PIP5K1C: variants seen among roughly 807,000 people sequenced by gnomAD.
PIP5K1C encodes phosphatidylinositol-4-phosphate 5-kinase type 1 gamma, also known as phosphatidylinositol 4-phosphate 5-kinase type-1 gamma.
In PIP5K1C, 45 loss-of-function variants were observed where a neutral mutation model predicts 80.1. The ratio of observed to expected loss-of-function variants is 0.56; its 90% CI spans 0.44 to 0.72. The LOEUF (loss-of-function observed/expected upper bound fraction) is 0.72. Among genes scored for constraint, PIP5K1C ranks in the 30% least tolerant of loss-of-function variants. The pLI, the probability that PIP5K1C is intolerant of heterozygous loss-of-function variation, is 0.00. For missense variants in PIP5K1C, 753 were observed against 954.6 expected (o/e 0.79, Z 2.78); for synonymous variants, 498 against 420.1 (o/e 1.19, Z -2.27).
intron 1 of PIP5K1C, among the ~76,000 whole-genome samples, chr19:3,678,401 T>TGG (rs2035465503): frequency 2.8e-5 from 2 of 71,652 alleles, no homozygotes; most frequent in Non-Finnish European, 5.4e-5. Context: ...GATGGAGGGA[T>TGG]AGAGATGGAG....
rs1006560450 is a variant in PIP5K1C at position 3,630,939 on chromosome 19, C to A, written c.*2228G>T. ...TAAATAGGTCTTGCCGTCCTCCTGC[C>A]CCCGCCCCTCGGCACAGTCAGTGGA... On this transcript the variant is annotated 3_prime_UTR_variant, in exon 18 of 18. Coordinates refer to ENST00000335312, the MANE Select transcript of PIP5K1C (RefSeq NM_012398.3). 6.6e-6 allele frequency: 1 copy of A among 152,242 alleles called. No individual in the cohort carries two copies. Among genetic ancestry groups the A allele is most frequent in the Non-Finnish European group, 1.5e-5 (1 of 68,082 alleles). The allele number at this position is 152,242 out of a possible 1,614,324, so 9.4% of individuals were successfully genotyped here.
intron 7 of PIP5K1C, 80 bp downstream of exon 7, chr19:3,653,210 G>A (rs2034511187): frequency 7.2e-7 from 1 of 1,386,618 alleles, no homozygotes; most frequent in Non-Finnish European, 1.0e-6. Flanking sequence ...CACCCTCCCT[G>A]GCCCTGCCTG....
chr19:3,650,879 C>T (rs2034416265), intron 8 of PIP5K1C, among the ~76,000 whole-genome samples: 1 of 152,146 alleles, frequency 6.6e-6, no homozygotes, highest in Non-Finnish European at 1.5e-5. Flanking sequence ...GCCTCAGCCT[C>T]CCAAGTAGCT....
rs753752409 is a variant in PIP5K1C, at chr19:3,642,939, C to A, written c.1650G>T (p.Arg550Ser). 3 of 1,613,468 alleles carry A rather than the reference C, an allele frequency of 1.9e-6. No homozygotes were observed. The highest frequency in any genetic ancestry group is 2.5e-6 in the Non-Finnish European group (3 of 1,179,870). ...CCTGTCCAGACGACTGTGTGCGCCG[C>A]CTGCAGAGATACAGCAAACACGTGA... is the stretch of plus-strand genomic sequence containing the variant. ...PSETSEQPRY[R>S]RRTQSSGQDG... is the part of the protein sequence containing the mutation. Residue 550 changes from arginine to serine, a missense_variant and splice_region_variant, in exon 14 of 18, where the codon AGG (arginine) becomes AGT (serine). Physicochemically the swap from Arg to Ser is moderately radical, Grantham distance 110. Around this residue, in one of 6 missense-constraint regions of PIP5K1C, gnomAD observed 315 missense variants for 294.5 expected, o/e 1.07. Coordinates refer to ENST00000335312, the MANE Select transcript of PIP5K1C (RefSeq NM_012398.3).
rs906756820 is a variant in PIP5K1C, at chr19:3,696,694, AGCAGAGTGCAGACGGGAGGGCAGGGAGG to A, written c.94+3575_94+3602del. The stretch of plus-strand genomic sequence containing the variant: ...AACAGCAAGGGGCCCATGGGCCTAC[AGCAGAGTGCAGACGGGAGGGCAGGGAGG>A]GCAGAGTGCGGAGGGGAGGGCAGGG... On this transcript the variant is annotated intron_variant, in intron 1 of 17. Transcript: ENST00000335312. The surrounding 1 kb of genome is among the most constrained non-coding windows in gnomAD (Gnocchi z 4.1). 5.3e-3 allele frequency among the ~76,000 whole-genome samples: 691 copies of A among 129,682 alleles called. 6 individuals are homozygous for A. Among genetic ancestry groups the A allele is most frequent in the African/African-American group, 0.018 (628 of 34,328 alleles). 85.1% of individuals were successfully genotyped at this position (129,682 alleles called of 152,430 possible).
Position 3,700,345 on chromosome 19 carries a change from C to A in PIP5K1C, c.46G>T (p.Ala16Ser). 1 of 1,295,468 alleles carries A rather than the reference C, an allele frequency of 7.7e-7. No homozygotes were observed. The highest frequency in any genetic ancestry group is 9.9e-7 in the Non-Finnish European group (1 of 1,005,132). 80.2% of individuals were successfully genotyped at this position (1,295,468 alleles called of 1,614,324 possible). Reference protein sequence around the residue: ...PDEAESAEAGAVPSEAAWAAE... With the variant: ...PDEAESAEAGSVPSEAAWAAE... ...GCCCACGCCGCCTCCGAGGGCACGGCCCCCGCCTCAGCGCTCTCCGCCTCG... is the reference window on the plus strand; with the variant it reads ...GCCCACGCCGCCTCCGAGGGCACGGACCCCGCCTCAGCGCTCTCCGCCTCG... The change falls in exon 1 of 18, where the codon GCC becomes TCC. Residue 16 changes from alanine to serine, a missense_variant. By Grantham distance (99) the Ala-to-Ser change is moderately conservative. This residue lies in a region of PIP5K1C where 78 missense variants were observed against 67.1 expected (regional missense o/e 1.16). Transcript: ENST00000335312.
At chr19:3,690,354 T>C (rs925666499) in intron 1 of PIP5K1C, among the ~76,000 whole-genome samples, 8 of 151,834 alleles carry the variant, frequency 5.3e-5, no homozygotes, top group Non-Finnish European at 8.8e-5. Flanking sequence ...AAATTAGCTA[T>C]GCATGGTGGC....
chr19:3,683,102 CAG>C (rs983509781), intron 1 of PIP5K1C, among the ~76,000 whole-genome samples: 22 of 152,138 alleles, frequency 1.4e-4, no homozygotes, highest in Middle Eastern at 3.2e-3. Flanking sequence ...GTCACCTCCT[CAG>C]AGAGTCCCCT....
At chr19:3,633,941 A>G (rs1316726961) in intron 16 of PIP5K1C, among the ~76,000 whole-genome samples, 2 of 151,884 alleles carry the variant, frequency 1.3e-5, no homozygotes, top group African/African-American at 2.4e-5. Flanking sequence ...GAAGCTCTCT[A>G]TGGGGGTCCT....
intron 5 of PIP5K1C, among the ~76,000 whole-genome samples, chr19:3,659,761 A>T (rs2034767599): frequency 6.6e-6 from 1 of 152,142 alleles, no homozygotes; most frequent in African/African-American, 2.4e-5. Context: ...GCTGGAGCAC[A>T]TGCTAGTTCT....
rs2033509339 is a variant in PIP5K1C at position 3,632,920 on chromosome 19, C to G, written c.*247G>C. The G allele has an allele frequency of 5.7e-6, 3 of 529,644 alleles. No homozygotes were observed. The highest frequency in any genetic ancestry group is 1.0e-5 in the Non-Finnish European group (3 of 300,160). 32.8% of individuals were successfully genotyped at this position (529,644 alleles called of 1,614,324 possible). A position where few individuals can be genotyped will look rare whatever the true frequency, so the allele number is the denominator to read the frequency against. On this transcript the variant is annotated 3_prime_UTR_variant, in exon 18 of 18. Transcript: ENST00000335312. ...TCCGTCTCTGTGCCAAATAAGGACTCAAATGCGATTGGCCGCTCGGGAGGG... is the reference window on the plus strand; with the variant it reads ...TCCGTCTCTGTGCCAAATAAGGACTGAAATGCGATTGGCCGCTCGGGAGGG...
rs1172528048 is a variant in PIP5K1C at position 3,643,245 on chromosome 19, G to A, written c.1647C>T (p.Tyr549=). Residue 549 remains tyrosine (Y), a splice_region_variant and synonymous_variant, in exon 13 of 18, where the codon TAC becomes TAT. Coordinates refer to ENST00000335312, the MANE Select transcript of PIP5K1C (RefSeq NM_012398.3). The stretch of plus-strand genomic sequence containing the variant: ...TGCACTGCGGATGCCTCGCCCACCT[G>A]TACCGCGGCTGCTCCGACGTCTCCG... ...SPSETSEQPR[Y]RRRTQSSGQD... The A allele has an allele frequency of 1.2e-6, 2 of 1,613,374 alleles. No individual in the cohort carries two copies. Among genetic ancestry groups the A allele is most frequent in the South Asian group, 2.2e-5 (2 of 91,088 alleles).
intron 5 of PIP5K1C, among the ~76,000 whole-genome samples, chr19:3,657,067 C>A (rs2034657802): frequency 6.6e-6 from 1 of 152,202 alleles, no homozygotes; most frequent in African/African-American, 2.4e-5. Flanking sequence ...TCAGCAGCCA[C>A]ACTGGACTAG....
chr19:3,633,387 T>C (rs377056201), intron 17 of PIP5K1C, 50 bp downstream of exon 17: 16 of 1,378,070 alleles, frequency 1.2e-5, no homozygotes, highest in Non-Finnish European at 1.5e-5. Flanking sequence ...CCACGCTCAG[T>C]AGAACCTTGG....
chr19:3,633,399 G>A, intron 17 of PIP5K1C, 38 bp downstream of exon 17: 3 of 1,425,924 alleles, frequency 2.1e-6, no homozygotes, highest in Middle Eastern at 1.9e-4. Flanking sequence ...GAACCTTGGA[G>A]CCCACGGGAC....
chr19:3,651,732 T>G, intron 8 of PIP5K1C, 94 bp downstream of exon 8: 1 of 1,289,596 alleles, frequency 7.8e-7, no homozygotes, highest in Non-Finnish European at 1.1e-6. Flanking sequence ...TCGCCAGCCC[T>G]CCCTGCCTGT....
intron 16 of PIP5K1C, among the ~76,000 whole-genome samples, chr19:3,638,582 C>T (rs542378083): frequency 7.1e-4 from 108 of 152,290 alleles, no homozygotes; most frequent in Admixed American, 1.5e-3. Flanking sequence ...CAGAAGGTGC[C>T]GTGGGCACAA....
chr19:3,672,202 C>T (rs1233064714), intron 1 of PIP5K1C, among the ~76,000 whole-genome samples: 1 of 152,244 alleles, frequency 6.6e-6, no homozygotes, highest in South Asian at 2.1e-4. Context: ...GAAGCCAGCT[C>T]GAGCCCTAGA....
rs369303596 is a variant in PIP5K1C, at chr19:3,638,844, G to C, written c.1920+40C>G. The C allele has an allele frequency of 1.6e-5, 26 of 1,611,934 alleles. No individual in the cohort carries two copies. In the South Asian group the frequency reaches 2.9e-4, roughly 18 times the overall value. On this transcript the variant is annotated intron_variant, in intron 16 of 17. Coordinates refer to ENST00000335312, the MANE Select transcript of PIP5K1C (RefSeq NM_012398.3). ...GTGGAGCGTGTGTGAGAGAGAGTCCGGTTGACGAGCCGGCGGCAGGAGGAG... is the reference window on the plus strand; with the variant it reads ...GTGGAGCGTGTGTGAGAGAGAGTCCCGTTGACGAGCCGGCGGCAGGAGGAG...
Sources: gnomAD v4.1 joint callset for allele counts (sites outside exome capture counted in the v4.1 genomes callset) on GRCh38, gnomAD v4.1.1 for gene constraint, gnomAD v4.1.1 regional missense constraint, Gnocchi (gnomAD v3.1) non-coding constraint, MANE v1.5 for transcripts, NCBI Gene and HGNC (gene_info 2026-07-23, HGNC 2026-07-21) for gene names.